The following MYO5B variants were observed in gnomAD, a reference collection of about 807,000 sequenced individuals.
MYO5B encodes the protein unconventional myosin-Vb.
Under a neutral mutation model 229.3 loss-of-function variants are expected in MYO5B, and 143 were observed. The ratio of observed to expected loss-of-function variants is 0.62; its 90% CI spans 0.54 to 0.72. The LOEUF (loss-of-function observed/expected upper bound fraction) is 0.72, where lower values mean the gene tolerates loss of function less well. MYO5B is among the 30% of genes least tolerant of loss of function. MYO5B has a pLI of 0.00. For missense variants in MYO5B, 2,321 were observed against 2,331.0 expected (o/e 1.00, Z 0.09); for synonymous variants, 918 against 885.2 (o/e 1.04, Z -0.66).
At chr18:49,861,748 C>A (rs558996827) in intron 29 of MYO5B, among the ~76,000 whole-genome samples, 3 of 152,310 alleles carry the variant, frequency 2.0e-5, no homozygotes, top group Admixed American at 6.5e-5. Flanking sequence ...GTTCCACCCC[C>A]CCGGGCCTCA....
At chr18:49,984,383 A>G (rs1228187584) in intron 8 of MYO5B, among the ~76,000 whole-genome samples, 1 of 152,212 alleles carries the variant, frequency 6.6e-6, no homozygotes, top group East Asian at 1.9e-4. Context: ...AGCACACTTG[A>G]GCCCAGACCA....
At chr18:49,930,159 C>A (rs2025173871) in intron 16 of MYO5B, among the ~76,000 whole-genome samples, 1 of 152,212 alleles carries the variant, frequency 6.6e-6, no homozygotes, top group African/African-American at 2.4e-5. Flanking sequence ...GGGAAAACAG[C>A]AGTACCTATT....
intron 25 of MYO5B, among the ~76,000 whole-genome samples, chr18:49,877,071 A>T (rs1026074264): frequency 7.2e-5 from 11 of 152,052 alleles, no homozygotes; most frequent in African/African-American, 2.7e-4. Flanking sequence ...ATTTGTTTTT[A>T]TTCTGTCTCT....
intron 16 of MYO5B, among the ~76,000 whole-genome samples, chr18:49,930,222 C>A (rs935838686): frequency 5.9e-5 from 9 of 152,170 alleles, no homozygotes; most frequent in African/African-American, 2.2e-4. Flanking sequence ...GCAGGTGGAA[C>A]CATGCCTAGC....
At chr18:49,903,838 C>G (rs2024870192) in intron 20 of MYO5B, among the ~76,000 whole-genome samples, 1 of 152,234 alleles carries the variant, frequency 6.6e-6, no homozygotes, top group Non-Finnish European at 1.5e-5. Context: ...AGGGTTTTGG[C>G]TTCACTGGAA....
In MYO5B at chr18:49,974,540, G is replaced by A; in HGVS notation, c.1132C>T (p.His378Tyr). 6.2e-7 allele frequency: 1 copy of A among 1,614,172 alleles called. No homozygotes were observed. Among genetic ancestry groups the A allele is most frequent in the Non-Finnish European group, 8.5e-7 (1 of 1,180,018 alleles). ...TCCGAGGTGGTGACCAGCTTGCGAT[G>A]ACACAGCCAGTGCTCCATCTGACTG... ...EHSQMEHWLC[H>Y]RKLVTTSETY... The change falls in exon 10 of 40, where the codon CAT becomes TAT. Residue 378 changes from histidine to tyrosine, a missense_variant. By Grantham distance (83) the His-to-Tyr change is moderately conservative. Coordinates refer to ENST00000285039, the MANE Select transcript of MYO5B (RefSeq NM_001080467.3).
intron 32 of MYO5B, among the ~76,000 whole-genome samples, chr18:49,848,447 C>A (rs905825790): frequency 6.6e-6 from 1 of 152,064 alleles, no homozygotes; most frequent in African/African-American, 2.4e-5. Context: ...CGAGTGACAC[C>A]CAGGGAAGGG....
intron 32 of MYO5B, among the ~76,000 whole-genome samples, chr18:49,848,685 C>T (rs1049556879): frequency 6.6e-6 from 1 of 152,084 alleles, no homozygotes; most frequent in African/African-American, 2.4e-5. Context: ...AGAGAAACAT[C>T]AGAAAAGAGG....
chr18:49,865,194 T>G (rs868637660), intron 27 of MYO5B, among the ~76,000 whole-genome samples: 9 of 152,116 alleles, frequency 5.9e-5, no homozygotes, highest in Admixed American at 3.9e-4. Flanking sequence ...AGGGGACCGC[T>G]GGGGAGAATG....
At chr18:49,994,694 C>T (rs553414208) in intron 5 of MYO5B, among the ~76,000 whole-genome samples, 10 of 152,304 alleles carry the variant, frequency 6.6e-5, no homozygotes, top group East Asian at 3.9e-4. Flanking sequence ...TGGGGACTCA[C>T]GCTCCTGGCA....
intron 18 of MYO5B, among the ~76,000 whole-genome samples, chr18:49,911,347 T>C (rs963776466): frequency 2.0e-5 from 3 of 152,334 alleles, no homozygotes; most frequent in South Asian, 4.1e-4. Flanking sequence ...ATGTTAGAGA[T>C]AGTTATAGAA....
intron 1 of MYO5B, among the ~76,000 whole-genome samples, chr18:50,190,885 A>G (rs898016513): frequency 2.0e-5 from 3 of 152,246 alleles, no homozygotes; most frequent in Non-Finnish European, 4.4e-5. Context: ...CCAAAAATGT[A>G]TAAATGCTGT....
chr18:49,866,110 C>A (rs928663890), intron 27 of MYO5B, among the ~76,000 whole-genome samples: 2 of 152,202 alleles, frequency 1.3e-5, no homozygotes, highest in African/African-American at 4.8e-5. Context: ...GCTCTGTCGC[C>A]CAGGCTGGAG....
intron 10 of MYO5B, among the ~76,000 whole-genome samples, chr18:49,964,650 TATC>T (rs1351934514): frequency 6.6e-6 from 1 of 152,212 alleles, no homozygotes; most frequent in African/African-American, 2.4e-5. Context: ...AATTTTAACT[TATC>T]ATTACTACAG....
chr18:50,176,255 G>A (rs375991211), intron 1 of MYO5B, among the ~76,000 whole-genome samples: 9 of 152,130 alleles, frequency 5.9e-5, no homozygotes, highest in African/African-American at 2.2e-4. Context: ...CCCTTGCACT[G>A]CCCATGACCG....
chr18:50,033,327 T>C lies in MYO5B; in HGVS notation c.455+3523A>G, dbSNP rs768494885. Among the ~76,000 whole-genome samples, 5 of 152,128 alleles carry C rather than the reference T, an allele frequency of 3.3e-5. No homozygotes were observed. The East Asian group carries it at 7.7e-4, about 23-fold the overall frequency. On this transcript the variant is annotated intron_variant, in intron 4 of 39. Transcript: ENST00000285039. Reference sequence around the variant, plus strand: ...TTACTCTGTGCATCCTACCAATTCATCAAGACCCAGCTAAAATCCTAGTTT... The same window carrying C: ...TTACTCTGTGCATCCTACCAATTCACCAAGACCCAGCTAAAATCCTAGTTT...
At chr18:49,939,628 C>G (rs1434911100) in intron 14 of MYO5B, among the ~76,000 whole-genome samples, 1 of 152,214 alleles carries the variant, frequency 6.6e-6, no homozygotes, top group Admixed American at 6.5e-5. Flanking sequence ...GCTCCAACCT[C>G]TGTTCCCTCC....
chr18:49,924,128 G>A (rs953426002), intron 17 of MYO5B, among the ~76,000 whole-genome samples: 24 of 152,112 alleles, frequency 1.6e-4, no homozygotes, highest in Admixed American at 4.6e-4. Flanking sequence ...AGAGGTCTGG[G>A]AATTTCAGAA....
At chr18:50,116,767 C>A (rs1426534505) in intron 1 of MYO5B, among the ~76,000 whole-genome samples, 3 of 150,480 alleles carry the variant, frequency 2.0e-5, no homozygotes, top group Non-Finnish European at 3.0e-5. Context: ...AATCAGCAGT[C>A]TAGGGTATTC....
Sources: allele counts gnomAD v4.1 joint callset (sites outside exome capture counted in the v4.1 genomes callset), GRCh38; gene constraint gnomAD v4.1.1; transcripts MANE v1.5; gene names NCBI Gene and HGNC (gene_info 2026-07-23, HGNC 2026-07-21).